Variants in PCDH7 observed in about 807,000 individuals in gnomAD.
PCDH7 encodes the protein protocadherin 7, also known as protocadherin-7.
A neutral mutation model predicts 58.9 loss-of-function variants in PCDH7; 17 were observed. The observed-to-expected ratio is 0.29, with a 90% CI of 0.20 to 0.43. PCDH7 has a LOEUF of 0.43. PCDH7 is among the 20% of genes least tolerant of loss of function. The probability of loss-of-function intolerance (pLI) is 1.00; values close to 1 mark genes in which losing one functional copy is unlikely to be tolerated. For missense variants in PCDH7, 1,274 were observed against 1,441.0 expected, an observed-to-expected ratio of 0.88 and a Z score of 1.88; for synonymous variants, 664 against 616.4, an observed-to-expected ratio of 1.08 and a Z score of -1.14.
At chr4:30,896,921 T>C (rs1314438713) in intron 1 of PCDH7, among the ~76,000 whole-genome samples, 2 of 136,608 alleles carry the variant, frequency 1.5e-5, no homozygotes, top group Non-Finnish European at 3.1e-5. Context: ...TTTTTTTTTT[T>C]TGAGGTGGAG....
At chr4:30,906,715 A>C (rs1200524433) in intron 1 of PCDH7, among the ~76,000 whole-genome samples, 3 of 152,146 alleles carry the variant, frequency 2.0e-5, no homozygotes, top group African/African-American at 7.2e-5. Context: ...ATTGCATTTC[A>C]AGGAATTAAA....
chr4:30,867,186 G>A (rs2109359008), intron 1 of PCDH7, among the ~76,000 whole-genome samples: 1 of 152,108 alleles, frequency 6.6e-6, no homozygotes, highest in African/African-American at 2.4e-5. Flanking sequence ...AACCACAGAT[G>A]GAGAATTATT....
chr4:31,082,911 A>G (rs1469370915), intron 3 of PCDH7, among the ~76,000 whole-genome samples: 1 of 152,172 alleles, frequency 6.6e-6, no homozygotes, highest in Non-Finnish European at 1.5e-5. Flanking sequence ...GATCGAGACC[A>G]TCCTGGCTAA....
chr4:31,073,384 T>A (rs975783058), intron 3 of PCDH7, among the ~76,000 whole-genome samples: 1 of 152,162 alleles, frequency 6.6e-6, no homozygotes, highest in Non-Finnish European at 1.5e-5. Flanking sequence ...CAAGTAGAGA[T>A]TATAATGTGT....
At chr4:30,764,674 C>G (rs1407247765) in intron 1 of PCDH7, among the ~76,000 whole-genome samples, 1 of 151,528 alleles carries the variant, frequency 6.6e-6, no homozygotes, top group Non-Finnish European at 1.5e-5. Context: ...CTAATTCTAC[C>G]TAATGCACAC....
intron 3 of PCDH7, among the ~76,000 whole-genome samples, chr4:30,985,625 T>C (rs950808317): frequency 1.3e-5 from 2 of 152,136 alleles, no homozygotes; most frequent in Non-Finnish European, 2.9e-5. Flanking sequence ...TGTGACAGAG[T>C]GAAATGAAAA....
intron 3 of PCDH7, among the ~76,000 whole-genome samples, chr4:31,102,556 C>T (rs987989891): frequency 6.6e-6 from 1 of 151,738 alleles, no homozygotes; most frequent in African/African-American, 2.4e-5. Flanking sequence ...AACTCTGTCT[C>T]TACTAAAAAT....
intron 1 of PCDH7, among the ~76,000 whole-genome samples, chr4:30,876,325 C>A (rs188478291): frequency 4.6e-5 from 7 of 151,286 alleles, no homozygotes; most frequent in Non-Finnish European, 1.5e-5. Flanking sequence ...TGGGGCTTAA[C>A]GTACATAAAA....
At chr4:31,092,487 G>A (rs981816525) in intron 3 of PCDH7, among the ~76,000 whole-genome samples, 1 of 152,026 alleles carries the variant, frequency 6.6e-6, no homozygotes, top group Non-Finnish European at 1.5e-5. Flanking sequence ...GGCTCCTAGA[G>A]ATCATCTAGA....
intron 2 of PCDH7, among the ~76,000 whole-genome samples, chr4:30,938,414 G>C (rs1252096602): frequency 6.6e-6 from 1 of 151,522 alleles, no homozygotes; most frequent in Non-Finnish European, 1.5e-5. Flanking sequence ...TGTATATTTG[G>C]GATACTCATT....
At chr4:31,114,767 T>C (rs1211163955) in intron 3 of PCDH7, among the ~76,000 whole-genome samples, 4 of 151,814 alleles carry the variant, frequency 2.6e-5, no homozygotes, top group Non-Finnish European at 2.9e-5. Context: ...ATACAGCTAA[T>C]ACAACAAGCA....
chr4:31,002,132 T>C (rs1752407009), intron 3 of PCDH7, among the ~76,000 whole-genome samples: 2 of 152,172 alleles, frequency 1.3e-5, no homozygotes, highest in Admixed American at 6.5e-5. Context: ...TTTCACCTAA[T>C]TGGGAATCCT....
intron 1 of PCDH7, among the ~76,000 whole-genome samples, chr4:30,866,375 A>G (rs917358200): frequency 9.9e-5 from 15 of 152,128 alleles, no homozygotes; most frequent in African/African-American, 3.6e-4. Context: ...TTAAGGAAAC[A>G]GATGCTTAGT....
chr4:31,053,290 C>A (rs143215330), intron 3 of PCDH7, among the ~76,000 whole-genome samples: 15 of 152,256 alleles, frequency 9.9e-5, no homozygotes, highest in South Asian at 4.1e-4. Context: ...TTTAGACTAT[C>A]CCAACCTATC....
chr4:31,077,007 A>C (rs185517898), intron 3 of PCDH7, among the ~76,000 whole-genome samples: 26 of 152,294 alleles, frequency 1.7e-4, no homozygotes, highest in Admixed American at 4.6e-4. Context: ...GAGATCTTCA[A>C]TACAAAAAGG....
intron 3 of PCDH7, among the ~76,000 whole-genome samples, chr4:31,060,194 A>G (rs1399757514): frequency 6.6e-6 from 1 of 151,754 alleles, no homozygotes; most frequent in African/African-American, 2.4e-5. Flanking sequence ...GAAGAGATGG[A>G]TATTTTCTGG....
intron 1 of PCDH7, among the ~76,000 whole-genome samples, chr4:30,759,843 A>T (rs1419558584): frequency 6.6e-6 from 1 of 152,172 alleles, no homozygotes; most frequent in Non-Finnish European, 1.5e-5. Context: ...GTTTTGTAAG[A>T]TTAGATACAT....
chr4:30,792,789 T>C (rs964520850), intron 1 of PCDH7, among the ~76,000 whole-genome samples: 4 of 151,836 alleles, frequency 2.6e-5, no homozygotes, highest in African/African-American at 9.7e-5. Context: ...TCAGCATGAG[T>C]TTTTTCTCCC....
intron 1 of PCDH7, among the ~76,000 whole-genome samples, chr4:30,898,805 A>C (rs1320645229): frequency 6.6e-6 from 1 of 152,034 alleles, no homozygotes; most frequent in Non-Finnish European, 1.5e-5. Context: ...GTTAGCCAGG[A>C]TGGTCTTGAT....
Sources: allele counts gnomAD v4.1 joint callset (sites outside exome capture counted in the v4.1 genomes callset), GRCh38; gene constraint gnomAD v4.1.1; transcripts MANE v1.5; gene names NCBI Gene and HGNC (gene_info 2026-07-23, HGNC 2026-07-21).